MAP3K20: variants seen among roughly 807,000 people sequenced by gnomAD.
The protein encoded by MAP3K20 is mitogen-activated protein kinase kinase kinase 20.
In MAP3K20, 40 loss-of-function variants were observed where a neutral mutation model predicts 85.7. The observed-to-expected ratio is 0.47, with a 90% confidence interval of 0.36 to 0.61. The LOEUF (loss-of-function observed/expected upper bound fraction) is 0.61. Ranked by LOEUF, MAP3K20 falls within the 20% of genes least tolerant of loss-of-function variation. The probability of loss-of-function intolerance (pLI) is 0.00; values close to 1 mark genes in which losing one functional copy is unlikely to be tolerated. For synonymous variants in MAP3K20, 325 were observed against 327.7 expected (o/e 0.99, Z 0.09); for missense variants, 817 against 961.7 (o/e 0.85, Z 1.99).
chr2:173,108,736 G>A (rs1268131480), intron 2 of MAP3K20, among the ~76,000 whole-genome samples: 2 of 152,090 alleles, frequency 1.3e-5, no homozygotes, highest in East Asian at 1.9e-4. Flanking sequence ...AAATGCCTTC[G>A]ACCTATCATC....
At chr2:173,108,081 A>G (rs558814311) in intron 2 of MAP3K20, among the ~76,000 whole-genome samples, 2 of 152,220 alleles carry the variant, frequency 1.3e-5, no homozygotes, top group African/African-American at 4.8e-5. Flanking sequence ...TCACCAGACA[A>G]CAATATTTTG....
intron 2 of MAP3K20, among the ~76,000 whole-genome samples, chr2:173,141,224 G>A (rs1358881696): frequency 6.6e-6 from 1 of 151,916 alleles, no homozygotes; most frequent in African/African-American, 2.4e-5. Flanking sequence ...TTCTCGTGTA[G>A]TATTATTAGA....
chr2:173,077,603 T>C (rs1686903023), intron 1 of MAP3K20, among the ~76,000 whole-genome samples: 1 of 152,212 alleles, frequency 6.6e-6, no homozygotes, highest in Non-Finnish European at 1.5e-5. Context: ...CTATAACTTT[T>C]TGAGATTATT....
At chr2:173,137,186 G>A (rs1688821446) in intron 2 of MAP3K20, among the ~76,000 whole-genome samples, 1 of 152,128 alleles carries the variant, frequency 6.6e-6, no homozygotes, top group African/African-American at 2.4e-5. Flanking sequence ...TCTTTAATCT[G>A]TTTAAAAATG....
intron 1 of MAP3K20, among the ~76,000 whole-genome samples, chr2:173,079,485 ATTAACC>A (rs1175520372): frequency 6.6e-6 from 1 of 152,142 alleles, no homozygotes; most frequent in Non-Finnish European, 1.5e-5. Context: ...TCAATAATAA[ATTAACC>A]TTAGCTTGCT....
At chr2:173,212,248 G>A (rs1035369530) in intron 10 of MAP3K20, 1 of 137,322 alleles carries the variant, frequency 7.3e-6, no homozygotes, top group Non-Finnish European at 1.6e-5. Flanking sequence ...CTGTAGCGAT[G>A]AGCACAAGAG....
chr2:173,245,595 C>A (rs901073027), intron 16 of MAP3K20, among the ~76,000 whole-genome samples: 2 of 152,220 alleles, frequency 1.3e-5, no homozygotes, highest in Non-Finnish European at 2.9e-5. Flanking sequence ...GTTTTACCCC[C>A]ATTTACTTGA....
At chr2:173,206,540 C>CCAAA (rs913002286) in intron 9 of MAP3K20, among the ~76,000 whole-genome samples, 1 of 152,176 alleles carries the variant, frequency 6.6e-6, no homozygotes, top group African/African-American at 2.4e-5. Flanking sequence ...ACTTTCATTC[C>CCAAA]CAAACAAGTT....
chr2:173,089,678 G>T lies in MAP3K20; in HGVS notation c.-34-1320G>T, dbSNP rs117711883. 1.2e-3 allele frequency among the ~76,000 whole-genome samples: 190 copies of T among 152,048 alleles called. 4 individuals are homozygous for T. In the East Asian group the frequency reaches 0.032, roughly 25 times the overall value. ...GCTCACTGCAACCTCCACCTCCTGG[G>T]TTCAGGGAATTCTCATGTCTCAGCC... On this transcript the variant is annotated intron_variant, in intron 1 of 19. Transcript: ENST00000375213.
chr2:173,217,373 C>G, intron 11 of MAP3K20, 123 bp downstream of exon 11: 4 of 1,246,290 alleles, frequency 3.2e-6, no homozygotes, highest in Non-Finnish European at 4.2e-6. Context: ...GCCTCGCGCC[C>G]GTGTATTAAA....
chr2:173,171,945 T>C (rs1010163254), intron 3 of MAP3K20, among the ~76,000 whole-genome samples: 1 of 152,230 alleles, frequency 6.6e-6, no homozygotes, highest in Admixed American at 6.5e-5. Flanking sequence ...TTTTAATGTT[T>C]TGAATGTATT....
At chr2:173,161,404 C>A (rs1689653801) in intron 2 of MAP3K20, among the ~76,000 whole-genome samples, 1 of 152,154 alleles carries the variant, frequency 6.6e-6, no homozygotes, top group Non-Finnish European at 1.5e-5. Context: ...CAAATTCATA[C>A]CTCCCGGCAT....
At position 173,266,736 on chromosome 2, in the gene MAP3K20, T is replaced by C. The variant is rs1160750267; in HGVS notation, c.2389T>C (p.Trp797Arg). The C allele has an allele frequency of 2.7e-6, 4 of 1,494,182 alleles. No homozygotes were observed. Among genetic ancestry groups the C allele is most frequent in the Non-Finnish European group, 3.6e-6 (4 of 1,123,118 alleles). 92.6% of individuals were successfully genotyped at this position (1,494,182 alleles called of 1,614,324 possible). ...GAGAGCCAGAGGGGACCACCGTGGATGGAGAAACTTTTGATGAATTGAACT... is the reference window on the plus strand; with the variant it reads ...GAGAGCCAGAGGGGACCACCGTGGACGGAGAAACTTTTGATGAATTGAACT... ...KERARGDHRG[W>R]RNF Residue 797 changes from tryptophan (W) to arginine (R), a missense_variant, in exon 20 of 20, where the codon TGG becomes CGG. Trp to Arg is a moderately radical substitution (Grantham distance 101). Around this residue, in one of 4 missense-constraint regions of MAP3K20, gnomAD observed 454 missense variants for 476.9 expected, o/e 0.95. Coordinates refer to ENST00000375213, the MANE Select transcript of MAP3K20 (RefSeq NM_016653.3).
intron 4 of MAP3K20, 93 bp downstream of exon 4, chr2:173,183,048 C>T (rs1690377619): frequency 2.0e-6 from 2 of 982,160 alleles, no homozygotes; most frequent in Non-Finnish European, 3.0e-6. Flanking sequence ...TTTATTCTGT[C>T]TTTAGATGTT....
chr2:173,236,338 A>G (rs953782034), intron 14 of MAP3K20, among the ~76,000 whole-genome samples: 2 of 151,604 alleles, frequency 1.3e-5, no homozygotes, highest in African/African-American at 4.9e-5. Context: ...AAGCCAAGGA[A>G]TATGCAGAGA....
At chr2:173,152,638 C>T (rs1002667238) in intron 2 of MAP3K20, among the ~76,000 whole-genome samples, 13 of 151,980 alleles carry the variant, frequency 8.6e-5, no homozygotes, top group African/African-American at 3.1e-4. Flanking sequence ...AAGGACACCC[C>T]GCTGAATCTT....
rs573728560 is a variant in MAP3K20, at chr2:173,229,728, G to A, written c.1027G>A (p.Asp343Asn). The change falls in exon 12 of 20, where the codon GAT (aspartate) becomes AAT (asparagine). Residue 343 changes from aspartate to asparagine, a missense_variant. Coordinates refer to ENST00000375213, the MANE Select transcript of MAP3K20 (RefSeq NM_016653.3). ...TGAGATTGGTGCATGGACGGAAGAC[G>A]ATGTGGTAAGCTCTTTGTATTCATG... Reference protein sequence around the residue: ...SFEIGAWTEDDVYCWVQQLVR... With the variant: ...SFEIGAWTEDNVYCWVQQLVR... 15 of 1,614,086 alleles carry A rather than the reference G, an allele frequency of 9.3e-6. No homozygotes were observed. The highest frequency in any genetic ancestry group is 6.7e-5 in the East Asian group (3 of 44,874).
chr2:173,200,030 A>T (rs1690992893), intron 8 of MAP3K20, among the ~76,000 whole-genome samples: 1 of 152,208 alleles, frequency 6.6e-6, no homozygotes, highest in African/African-American at 2.4e-5. Context: ...ACTGATGAAG[A>T]CTACTCAAAT....
In MAP3K20 at chr2:173,266,707, A is replaced by G. The variant is rs759638929; in HGVS notation, c.2360A>G (p.Lys787Arg). Residue 787 changes from lysine to arginine, a missense_variant, in exon 20 of 20, where the codon AAA becomes AGA. Physicochemically the swap from Lys to Arg is conservative, Grantham distance 26. This residue lies in a region of MAP3K20 where 454 missense variants were observed against 476.9 expected (regional missense o/e 0.95). Coordinates refer to ENST00000375213, the MANE Select transcript of MAP3K20 (RefSeq NM_016653.3). Reference protein sequence around the residue: ...PHRPSPAKTNKERARGDHRGW... With the variant: ...PHRPSPAKTNRERARGDHRGW... Reference sequence around the variant, plus strand: ...AGGCCATCTCCCGCCAAAACCAATAAAGAGAGAGCCAGAGGGGACCACCGT... The same window carrying G: ...AGGCCATCTCCCGCCAAAACCAATAGAGAGAGAGCCAGAGGGGACCACCGT... 21 of 1,588,456 alleles carry G rather than the reference A, an allele frequency of 1.3e-5. No individual in the cohort carries two copies. The South Asian group carries it at 2.3e-4, about 17-fold the overall frequency.
Sources: gnomAD v4.1 joint callset for allele counts (sites outside exome capture counted in the v4.1 genomes callset) on GRCh38, gnomAD v4.1.1 for gene constraint, gnomAD v4.1.1 regional missense constraint, MANE v1.5 for transcripts, NCBI Gene and HGNC (gene_info 2026-07-23, HGNC 2026-07-21) for gene names.